The following PARD3B variants were observed in gnomAD, a reference collection of about 807,000 sequenced individuals.
PARD3B encodes par-3 family cell polarity regulator beta, also known as partitioning defective 3 homolog B.
Under a neutral mutation model 130.2 loss-of-function variants are expected in PARD3B, and 103 were observed. That is an observed-to-expected ratio of 0.79 (90% CI 0.67 to 0.93). PARD3B has a LOEUF of 0.93. PARD3B is among the 40% of genes least tolerant of loss of function. PARD3B has a pLI of 0.00. For missense variants in PARD3B, 1,609 were observed against 1,499.2 expected, an observed-to-expected ratio of 1.07 and a Z score of -1.21; for synonymous variants, 583 against 553.2, an observed-to-expected ratio of 1.05 and a Z score of -0.76.
intron 18 of PARD3B, among the ~76,000 whole-genome samples, chr2:205,385,958 A>T (rs975800820): frequency 6.6e-6 from 1 of 152,286 alleles, no homozygotes; most frequent in South Asian, 2.1e-4. Context: ...AAGGTATTTC[A>T]CTAAACAAAT....
chr2:205,443,000 T>C (rs2047776215), intron 20 of PARD3B, among the ~76,000 whole-genome samples: 1 of 152,204 alleles, frequency 6.6e-6, no homozygotes, highest in South Asian at 2.1e-4. Flanking sequence ...CTCTTTATAC[T>C]CAGAATTATC....
At chr2:205,523,408 T>C (rs554981549) in intron 21 of PARD3B, among the ~76,000 whole-genome samples, 77 of 151,682 alleles carry the variant, frequency 5.1e-4, no homozygotes, top group Non-Finnish European at 9.3e-4. Context: ...CATGCCCAAC[T>C]AATTTTTGTC....
intron 1 of PARD3B, among the ~76,000 whole-genome samples, chr2:204,550,252 G>C (rs2030347936): frequency 6.6e-6 from 1 of 152,192 alleles, no homozygotes; most frequent in Non-Finnish European, 1.5e-5. Context: ...CTAATACAAT[G>C]TAAAAGCTAT....
chr2:204,614,947 C>A (rs1045946376), intron 1 of PARD3B, among the ~76,000 whole-genome samples: 1 of 152,090 alleles, frequency 6.6e-6, no homozygotes, highest in Admixed American at 6.6e-5. Flanking sequence ...TATAGCAATG[C>A]AAGAACGGCC....
At position 204,862,445 on chromosome 2, in the gene PARD3B, A is replaced by T. The variant is rs562865234; in HGVS notation, c.223-102707A>T. 7.2e-5 allele frequency among the ~76,000 whole-genome samples: 11 copies of T among 152,322 alleles called. No homozygotes were observed. The South Asian group carries it at 2.1e-3, about 29-fold the overall frequency. On this transcript the variant is annotated intron_variant, in intron 2 of 22. Coordinates refer to ENST00000406610, the MANE Select transcript of PARD3B (RefSeq NM_001302769.2). ...AGGAAAAATTGATATTGATTAGCATATATGAATAGATGTTTGATTATCAAG... is the reference window on the plus strand; with the variant it reads ...AGGAAAAATTGATATTGATTAGCATTTATGAATAGATGTTTGATTATCAAG...
At chr2:205,212,233 T>G (rs577083189) in intron 15 of PARD3B, among the ~76,000 whole-genome samples, 1 of 152,242 alleles carries the variant, frequency 6.6e-6, no homozygotes, top group South Asian at 2.1e-4. Flanking sequence ...TAGTAGTGAC[T>G]TTAATGATAA....
chr2:204,582,533 G>T (rs1225342217), intron 1 of PARD3B, among the ~76,000 whole-genome samples: 1 of 152,042 alleles, frequency 6.6e-6, no homozygotes, highest in Admixed American at 6.6e-5. Context: ...TATTAAAAGA[G>T]TGACACCCAA....
At chr2:205,200,874 A>G (rs188159525) in intron 15 of PARD3B, among the ~76,000 whole-genome samples, 45 of 152,286 alleles carry the variant, frequency 3.0e-4, no homozygotes, top group African/African-American at 9.9e-4. Context: ...GATTAATTGT[A>G]TAAGTGTAGG....
At chr2:205,169,931 CT>C (rs35332758) in intron 11 of PARD3B, among the ~76,000 whole-genome samples, 158 of 142,058 alleles carry the variant, frequency 1.1e-3, no homozygotes, top group African/African-American at 3.1e-3. Context: ...TCCCCCCACC[CT>C]TTTTTTTTTT....
chr2:204,686,633 A>T (rs188023274), intron 2 of PARD3B, among the ~76,000 whole-genome samples: 1 of 152,296 alleles, frequency 6.6e-6, no homozygotes, highest in African/African-American at 2.4e-5. Context: ...TAAATGCCTG[A>T]GGCGTGAATG....
intron 2 of PARD3B, among the ~76,000 whole-genome samples, chr2:204,928,245 A>C (rs751680428): frequency 3.3e-5 from 5 of 152,030 alleles, no homozygotes; most frequent in Non-Finnish European, 7.4e-5. Context: ...CCTTGTTCTC[A>C]TAGTAGTGGG....
intron 18 of PARD3B, among the ~76,000 whole-genome samples, chr2:205,386,043 T>C (rs1447033156): frequency 6.6e-6 from 1 of 152,236 alleles, no homozygotes; most frequent in African/African-American, 2.4e-5. Context: ...TTAAGTTTCA[T>C]GATAGGCTTT....
At chr2:204,897,191 T>C (rs1189652727) in intron 2 of PARD3B, among the ~76,000 whole-genome samples, 1 of 152,138 alleles carries the variant, frequency 6.6e-6, no homozygotes, top group Non-Finnish European at 1.5e-5. Flanking sequence ...CTTAGACATA[T>C]CAGAATATTT....
At chr2:205,436,677 T>C (rs2047528301) in intron 19 of PARD3B, among the ~76,000 whole-genome samples, 1 of 152,138 alleles carries the variant, frequency 6.6e-6, no homozygotes, top group Non-Finnish European at 1.5e-5. Context: ...CTACATGATC[T>C]CTCAAAATAC....
At chr2:205,101,027 G>A (rs917694882) in intron 4 of PARD3B, among the ~76,000 whole-genome samples, 2 of 152,034 alleles carry the variant, frequency 1.3e-5, no homozygotes, top group Admixed American at 1.3e-4. Flanking sequence ...GTGCTTTAAA[G>A]GACACATGAA....
intron 21 of PARD3B, among the ~76,000 whole-genome samples, chr2:205,534,465 A>G (rs982524718): frequency 6.7e-6 from 1 of 150,070 alleles, no homozygotes; most frequent in African/African-American, 2.4e-5. Flanking sequence ...TATGGAGTCC[A>G]CTTTTTTTTT....
chr2:205,123,089 G>A (rs896480678), intron 8 of PARD3B, among the ~76,000 whole-genome samples: 1 of 152,140 alleles, frequency 6.6e-6, no homozygotes, highest in Admixed American at 6.5e-5. Context: ...CTGTACTTTG[G>A]CAAGATTAAT....
intron 2 of PARD3B, among the ~76,000 whole-genome samples, chr2:204,808,406 G>A (rs1476659803): frequency 1.3e-5 from 2 of 152,020 alleles, no homozygotes; most frequent in African/African-American, 2.4e-5. Context: ...TTGTGTGAAG[G>A]GAGTTTGTTG....
intron 15 of PARD3B, among the ~76,000 whole-genome samples, chr2:205,219,668 G>T (rs2038135387): frequency 6.6e-6 from 1 of 152,166 alleles, no homozygotes; most frequent in South Asian, 2.1e-4. Context: ...AAAATGGGTT[G>T]GCACCTTATG....
Sources: gnomAD v4.1 joint callset for allele counts (sites outside exome capture counted in the v4.1 genomes callset) on GRCh38, gnomAD v4.1.1 for gene constraint, MANE v1.5 for transcripts, NCBI Gene and HGNC (gene_info 2026-07-23, HGNC 2026-07-21) for gene names.